PTPN20: variants seen among roughly 807,000 people sequenced by gnomAD.
PTPN20 encodes the protein tyrosine-protein phosphatase non-receptor type 20.
A neutral mutation model predicts 35.0 loss-of-function variants in PTPN20; 9 were observed. The ratio of observed to expected loss-of-function variants is 0.26; its 90% CI spans 0.15 to 0.45. The LOEUF (loss-of-function observed/expected upper bound fraction) is 0.45, where lower values mean the gene tolerates loss of function less well. PTPN20 is among the 20% of genes least tolerant of loss of function. The pLI is 1.00. For synonymous variants in PTPN20, 32 were observed against 100.2 expected (o/e 0.32, Z 4.06); for missense variants, 111 against 312.5 (o/e 0.36, Z 4.86).
chr10:46,992,121 A>AT (rs1180103188), intron 9 of PTPN20, among the ~76,000 whole-genome samples: 2,485 of 130,672 alleles, frequency 0.019, 49 homozygotes, highest in African/African-American at 0.041. Flanking sequence ...TTCATTTTCA[A>AT]TTTTTTTTTT....
intron 5 of PTPN20, chr10:46,946,966 A>G (rs1160333061): frequency 7.0e-5 from 26 of 370,682 alleles, no homozygotes; most frequent in Non-Finnish European, 1.0e-4. Flanking sequence ...GATTTGAAAA[A>G]TAACCTGCTT....
chr10:46,974,851 A>G (rs1325289146), intron 7 of PTPN20, among the ~76,000 whole-genome samples: 1 of 134,760 alleles, frequency 7.4e-6, no homozygotes, highest in East Asian at 2.0e-4. Context: ...ATTTGTCTCC[A>G]TGACTCAAAA....
intron 1 of PTPN20, among the ~76,000 whole-genome samples, chr10:46,931,387 A>AT: frequency 7.0e-6 from 1 of 142,854 alleles, no homozygotes; most frequent in Admixed American, 6.8e-5. Context: ...TTACTTTCAC[A>AT]TTTTAATTTA....
At chr10:46,944,900 A>G (rs1191967716) in intron 4 of PTPN20, among the ~76,000 whole-genome samples, 1 of 146,786 alleles carries the variant, frequency 6.8e-6, no homozygotes, top group Non-Finnish European at 1.5e-5. Flanking sequence ...GATTGTGGGT[A>G]CAGAAGATTG....
chr10:46,928,659 T>A (rs1271852647), intron 1 of PTPN20, among the ~76,000 whole-genome samples: 1 of 150,428 alleles, frequency 6.6e-6, no homozygotes, highest in East Asian at 2.0e-4. Context: ...ATGGTTATGT[T>A]TATAATCAGA....
intron 2 of PTPN20, among the ~76,000 whole-genome samples, chr10:46,933,517 C>A (rs1486177083): frequency 6.9e-6 from 1 of 143,926 alleles, no homozygotes; most frequent in Non-Finnish European, 1.5e-5. Context: ...CTTTTGTGAG[C>A]CTGGATTCCA....
chr10:46,922,419 CAG>C (rs1360333997), intron 1 of PTPN20, among the ~76,000 whole-genome samples: 1 of 117,374 alleles, frequency 8.5e-6, no homozygotes, highest in Non-Finnish European at 1.7e-5. Flanking sequence ...ATCCTTATTA[CAG>C]AGTGGCAGAA....
rs1340010061 is a variant in PTPN20 at position 46,994,444 on chromosome 10, G to A, written c.1135-5468G>A. Among the ~76,000 whole-genome samples, 4 of 145,746 alleles carry A rather than the reference G, an allele frequency of 2.7e-5. No individual in the cohort carries two copies. In the East Asian group the frequency reaches 8.4e-4, roughly 31 times the overall value. ...CCTCCCAGGTTCACGCCATTCTCCT[G>A]CCTCAGCCTCCCAAGTAGCTGGGAC... On this transcript the variant is annotated intron_variant, in intron 9 of 10. Transcript: ENST00000374339.
At chr10:46,983,556 G>T (rs1417469853) in intron 7 of PTPN20, among the ~76,000 whole-genome samples, 5 of 143,552 alleles carry the variant, frequency 3.5e-5, no homozygotes, top group Admixed American at 2.1e-4. Flanking sequence ...CCAAATAGCT[G>T]GTTTTCCCTC....
intron 9 of PTPN20, among the ~76,000 whole-genome samples, chr10:46,993,525 G>A (rs917336681): frequency 4.6e-5 from 7 of 152,194 alleles, no homozygotes; most frequent in Non-Finnish European, 8.8e-5. Flanking sequence ...ATAGCCTAGG[G>A]TTTTCTGCCC....
rs1232277107 is a variant in PTPN20, at chr10:46,988,723, AT to A, written c.1134+1172del. Reference sequence around the variant, plus strand: ...TTTTTTTATGGCTGCATAGTATTCCATTTTCCAATTCATTAGCATAGGATTA... The same window carrying A: ...TTTTTTTATGGCTGCATAGTATTCCATTTCCAATTCATTAGCATAGGATTA... On this transcript the variant is annotated intron_variant, in intron 9 of 10. Transcript: ENST00000374339. Among the ~76,000 whole-genome samples, 10 of 151,834 alleles carry A rather than the reference AT, an allele frequency of 6.6e-5. No individual in the cohort carries two copies. In the East Asian group the frequency reaches 2.0e-3, roughly 30 times the overall value.
intron 9 of PTPN20, among the ~76,000 whole-genome samples, chr10:46,993,609 C>A (rs2058438438): frequency 6.6e-6 from 1 of 152,036 alleles, no homozygotes; most frequent in Non-Finnish European, 1.5e-5. Flanking sequence ...AAAGAAGTGA[C>A]AACTTATCTT....
chr10:46,984,025 G>A (rs1261942557), intron 7 of PTPN20, among the ~76,000 whole-genome samples: 1 of 151,910 alleles, frequency 6.6e-6, no homozygotes, highest in African/African-American at 2.4e-5. Context: ...TCCCATAATT[G>A]TATATTTCTT....
rs2039963774 is a variant in PTPN20, at chr10:46,932,340, G to A, written c.-123-37G>A. On this transcript the variant is annotated intron_variant, in intron 1 of 10. Coordinates refer to ENST00000374339, the MANE Select transcript of PTPN20 (RefSeq NM_001042357.5). ...TCAAAGCTGTGATAGCTCCAGTTGTGTAACAGAAAAATCTTTGGCTTTGTG... is the reference window on the plus strand; with the variant it reads ...TCAAAGCTGTGATAGCTCCAGTTGTATAACAGAAAAATCTTTGGCTTTGTG... 54 of 1,594,584 alleles carry A rather than the reference G, an allele frequency of 3.4e-5. 1 individual carries two copies. The South Asian group carries it at 4.9e-4, about 15-fold the overall frequency.
In PTPN20 at chr10:46,995,333, C is replaced by CTTTTT. The variant is rs878968027; in HGVS notation, c.1135-4563_1135-4559dup. Among the ~76,000 whole-genome samples the CTTTTT allele has an allele frequency of 1.7e-3, 144 of 85,648 alleles. 1 individual carries two copies. The highest frequency in any genetic ancestry group is 0.026 in the Middle Eastern group (2 of 76). 56.2% of individuals were successfully genotyped at this position (85,648 alleles called of 152,430 possible). Reference sequence around the variant, plus strand: ...AATTTACCTGTCGAATTTTTTTTTTCTTTTTTTTTTTTTTTTTTTTGGTGA... The same window carrying CTTTTT: ...AATTTACCTGTCGAATTTTTTTTTTCTTTTTTTTTTTTTTTTTTTTTTTTTGGTGA... On this transcript the variant is annotated intron_variant, in intron 9 of 10. Transcript: ENST00000374339.
rs1555120558 is a variant in PTPN20 at position 46,932,492 on chromosome 10, G to A, written c.-8G>A. ...TTTTACCAGTCTCATTTAGGGGATG[G>A]GAACAACATGTCTTCACCTAGGGAC... On this transcript the variant is annotated 5_prime_UTR_variant, in exon 2 of 11. Transcript: ENST00000374339. 17 of 1,611,956 alleles carry A rather than the reference G, an allele frequency of 1.1e-5. No homozygotes were observed. The East Asian group carries it at 1.8e-4, about 17-fold the overall frequency.
intron 6 of PTPN20, among the ~76,000 whole-genome samples, chr10:46,965,935 T>TTTA (rs2050455216): frequency 8.5e-4 from 65 of 76,752 alleles, no homozygotes; most frequent in Non-Finnish European, 1.3e-3. Context: ...TTTTTTTTTT[T>TTTA]GAGATGAGTC....
At position 46,941,224 on chromosome 10, in the gene PTPN20, A is replaced by G. The variant is rs1379443913; in HGVS notation, c.129+507A>G. 4.7e-5 allele frequency among the ~76,000 whole-genome samples: 7 copies of G among 149,288 alleles called. No individual in the cohort carries two copies. The East Asian group carries it at 1.4e-3, about 29-fold the overall frequency. On this transcript the variant is annotated intron_variant, in intron 3 of 10. Transcript: ENST00000374339. The stretch of plus-strand genomic sequence containing the variant: ...CATTTTTTTTTCTCTTACCTAGTCA[A>G]CTGGAGCTTTGGAACTGCGATGATG...
intron 5 of PTPN20, among the ~76,000 whole-genome samples, chr10:46,947,428 A>T (rs1208682945): frequency 2.0e-5 from 3 of 150,850 alleles, no homozygotes; most frequent in African/African-American, 7.3e-5. Context: ...TAAAATGCAG[A>T]TCTCCTACAA....
Sources: gnomAD v4.1 joint callset for allele counts (sites outside exome capture counted in the v4.1 genomes callset) on GRCh38, gnomAD v4.1.1 for gene constraint, MANE v1.5 for transcripts, NCBI Gene and HGNC (gene_info 2026-07-23, HGNC 2026-07-21) for gene names.